The following TMCO5A variants were observed in gnomAD, a reference collection of about 807,000 sequenced individuals.
TMCO5A encodes the protein transmembrane and coiled-coil domain-containing protein 5A.
In TMCO5A, 34 loss-of-function variants were observed where a neutral mutation model predicts 42.3. The ratio of observed to expected loss-of-function variants is 0.80; its 90% confidence interval spans 0.61 to 1.07. TMCO5A has a LOEUF of 1.07. Among genes scored for constraint, TMCO5A ranks in the 50% least tolerant of loss-of-function variants. The pLI is 0.00. For missense variants in TMCO5A, 357 were observed against 327.9 expected, an observed-to-expected ratio of 1.09 and a Z score of -0.69; for synonymous variants, 131 against 115.6, an observed-to-expected ratio of 1.13 and a Z score of -0.86.
downstream of TMCO5A, among the ~76,000 whole-genome samples, chr15:37,951,942 T>C (rs917084472): frequency 3.9e-5 from 6 of 152,016 alleles, no homozygotes; most frequent in Admixed American, 2.0e-4. Context: ...CATTTCTGTG[T>C]GGTGAGGAGA....
chr15:37,990,564 A>T, the TMCO5A span, among the ~76,000 whole-genome samples: 35,298 of 151,650 alleles, frequency 0.23, 9,314 homozygotes, highest in African/African-American at 0.65. Flanking sequence ...GGGATTTTTT[A>T]AAATTTATTC....
At chr15:37,954,426 A>G (rs1396892323), downstream of TMCO5A, among the ~76,000 whole-genome samples, 1 of 152,130 alleles carries the variant, frequency 6.6e-6, no homozygotes, top group Admixed American at 6.6e-5. Context: ...GATGAAATAA[A>G]CATTTATCCT....
At chr15:38,026,563 G>T in the TMCO5A span, among the ~76,000 whole-genome samples, 1 of 152,206 alleles carries the variant, frequency 6.6e-6, no homozygotes, top group Admixed American at 6.5e-5. Context: ...TGATAGAAAA[G>T]AAAACTTCAT....
At chr15:37,980,612 A>T in the TMCO5A span, among the ~76,000 whole-genome samples, 1 of 125,338 alleles carries the variant, frequency 8.0e-6, no homozygotes, top group Admixed American at 1.0e-4. Flanking sequence ...GGCGCACACC[A>T]GCCGCTTCTA....
At chr15:37,945,072 T>C (rs1889895548) in intron 10 of TMCO5A, among the ~76,000 whole-genome samples, 1 of 152,124 alleles carries the variant, frequency 6.6e-6, no homozygotes, top group South Asian at 2.1e-4. Context: ...TTCCCCTGCA[T>C]GTGTCCATGT....
At chr15:37,955,581 C>G (rs910209350), downstream of TMCO5A, among the ~76,000 whole-genome samples, 1 of 151,972 alleles carries the variant, frequency 6.6e-6, no homozygotes, top group Admixed American at 6.6e-5. Flanking sequence ...ACAGGAGCAC[C>G]CAGATTCATA....
the TMCO5A span, among the ~76,000 whole-genome samples, chr15:38,010,949 G>T: frequency 1.2e-4 from 18 of 152,078 alleles, no homozygotes; most frequent in Non-Finnish European, 2.4e-4. Flanking sequence ...GTTTTGCCTT[G>T]TCAGCCAGGC....
chr15:37,976,739 T>C, the TMCO5A span, among the ~76,000 whole-genome samples: 2 of 151,992 alleles, frequency 1.3e-5, no homozygotes, highest in African/African-American at 4.8e-5. Context: ...TGAAGTGAGT[T>C]TTTCAGCTCC....
chr15:37,964,061 G>C (rs946516406), intron 11 of TMCO5A, among the ~76,000 whole-genome samples: 2 of 152,056 alleles, frequency 1.3e-5, no homozygotes, highest in South Asian at 2.1e-4. Context: ...ATTTTGGGGG[G>C]TGTTAAAGAG....
chr15:37,958,988 A>G (rs1383430419), intron 11 of TMCO5A, among the ~76,000 whole-genome samples: 1 of 152,010 alleles, frequency 6.6e-6, no homozygotes, highest in East Asian at 1.9e-4. Context: ...ATGAAGCTGG[A>G]AACCATCATT....
rs557304481 is a variant in TMCO5A at position 37,959,114 on chromosome 15, CAG to C, written c.669-7510_669-7509del. On this transcript the variant is annotated intron_variant, in intron 11 of 11. Transcript: ENST00000559502. ...GGGAACATCACACACTGGGGCCTGT[CAG>C]GGGGTGGGGGGTTAGGGGAGGGATA... is the stretch of plus-strand genomic sequence containing the variant. Among the ~76,000 whole-genome samples the C allele has an allele frequency of 1.9e-3, 291 of 150,676 alleles. 2 individuals carry two copies. Among genetic ancestry groups the C allele is most frequent in the African/African-American group, 6.6e-3 (267 of 40,544 alleles).
At chr15:37,985,055 A>G in the TMCO5A span, among the ~76,000 whole-genome samples, 40 of 142,116 alleles carry the variant, frequency 2.8e-4, no homozygotes, top group African/African-American at 9.3e-4. Context: ...ATGTTCAGGG[A>G]AAAAAAAAAA....
chr15:37,959,834 C>A (rs1036515912), intron 11 of TMCO5A, among the ~76,000 whole-genome samples: 3 of 151,598 alleles, frequency 2.0e-5, no homozygotes, highest in African/African-American at 7.3e-5. Context: ...CTAGAGCAAT[C>A]AGAAAAGAGA....
chr15:38,025,822 C>A, the TMCO5A span, among the ~76,000 whole-genome samples: 2 of 152,168 alleles, frequency 1.3e-5, no homozygotes, highest in Non-Finnish European at 2.9e-5. Flanking sequence ...CAATTTGAAT[C>A]ATGGGGGTGG....
the TMCO5A span, among the ~76,000 whole-genome samples, chr15:38,012,242 C>T: frequency 6.6e-6 from 1 of 152,176 alleles, no homozygotes; most frequent in Non-Finnish European, 1.5e-5. Context: ...TTTTCTTGCT[C>T]TCAATGGTCA....
At chr15:37,943,513 G>C (rs1889828348) in intron 10 of TMCO5A, 115 bp downstream of exon 10, 1 of 945,782 alleles carries the variant, frequency 1.1e-6, no homozygotes, top group Non-Finnish European at 1.6e-6. Flanking sequence ...CATTTTCCAA[G>C]AACAGTACCA....
At chr15:38,003,078 A>AG in the TMCO5A span, among the ~76,000 whole-genome samples, 2 of 152,298 alleles carry the variant, frequency 1.3e-5, no homozygotes, top group African/African-American at 4.8e-5. Flanking sequence ...CATGTGCATT[A>AG]GGGGGCACCC....
downstream of TMCO5A, among the ~76,000 whole-genome samples, chr15:37,968,672 G>A (rs1338314662): frequency 1.4e-5 from 2 of 142,342 alleles, no homozygotes; most frequent in African/African-American, 2.6e-5. Flanking sequence ...AACTTCCACC[G>A]CCCAGGTTCA....
intron 10 of TMCO5A, among the ~76,000 whole-genome samples, chr15:37,946,247 G>A (rs932516613): frequency 2.0e-5 from 3 of 152,260 alleles, no homozygotes; most frequent in East Asian, 1.9e-4. Flanking sequence ...CTAGTACCAC[G>A]CTGTTTTGGT....
Sources: allele counts gnomAD v4.1 joint callset (sites outside exome capture counted in the v4.1 genomes callset), GRCh38; gene constraint gnomAD v4.1.1; transcripts MANE v1.5; gene names NCBI Gene and HGNC (gene_info 2026-07-23, HGNC 2026-07-21).